The following GPR149 variants were observed in gnomAD, a reference collection of about 807,000 sequenced individuals.
GPR149 encodes G protein-coupled receptor 149.
In GPR149, 50 loss-of-function variants were observed where a neutral mutation model predicts 50.2. The observed-to-expected ratio is 1.00, with a 90% CI of 0.79 to 1.26. The LOEUF (loss-of-function observed/expected upper bound fraction) is 1.26, where lower values mean the gene tolerates loss of function less well. Ranked by LOEUF, GPR149 falls within the 50% of genes most tolerant of loss-of-function variation. The probability of loss-of-function intolerance (pLI) is 0.00; values close to 1 mark genes in which losing one functional copy is unlikely to be tolerated. For synonymous variants in GPR149, 405 were observed against 358.2 expected (o/e 1.13, Z -1.48); for missense variants, 983 against 895.4 (o/e 1.10, Z -1.25).
intron 3 of GPR149, among the ~76,000 whole-genome samples, chr3:154,342,991 T>C (rs1479640273): frequency 6.6e-6 from 1 of 152,212 alleles, no homozygotes; most frequent in Non-Finnish European, 1.5e-5. Flanking sequence ...AGATCTACAT[T>C]TAGAAAATAG....
chr3:154,358,057 G>A (rs892747604), intron 3 of GPR149, among the ~76,000 whole-genome samples: 3 of 151,514 alleles, frequency 2.0e-5, no homozygotes, highest in African/African-American at 4.9e-5. Context: ...ACCAAACACT[G>A]CATGTTCTCA....
chr3:154,354,979 C>A (rs1424254481), intron 3 of GPR149, among the ~76,000 whole-genome samples: 1 of 152,040 alleles, frequency 6.6e-6, no homozygotes, highest in Admixed American at 6.6e-5. Flanking sequence ...GATTTTATGG[C>A]CAAAACGTAA....
chr3:154,424,805 T>A (rs910592914), intron 2 of GPR149, among the ~76,000 whole-genome samples: 1 of 151,734 alleles, frequency 6.6e-6, no homozygotes, highest in Admixed American at 6.6e-5. Context: ...CAATTTTAGA[T>A]GTGAGTAATT....
intron 3 of GPR149, 22 bp from the exon 4 acceptor site, chr3:154,338,293 T>C: frequency 1.3e-6 from 2 of 1,507,892 alleles, no homozygotes; most frequent in Non-Finnish European, 1.8e-6. Flanking sequence ...AACAAAATTG[T>C]TATTGTTGAA....
At chr3:154,391,022 G>C (rs1196356213) in intron 3 of GPR149, among the ~76,000 whole-genome samples, 1 of 152,052 alleles carries the variant, frequency 6.6e-6, no homozygotes, top group Non-Finnish European at 1.5e-5. Flanking sequence ...TAAAATCTGA[G>C]GGAGTTCATC....
chr3:154,348,668 A>T (rs1713990780), intron 3 of GPR149, among the ~76,000 whole-genome samples: 1 of 152,158 alleles, frequency 6.6e-6, no homozygotes, highest in Non-Finnish European at 1.5e-5. Context: ...GGAGACTTCA[A>T]CCCCTCTCTC....
chr3:154,427,312 G>A (rs992037429), intron 2 of GPR149, among the ~76,000 whole-genome samples: 1 of 151,748 alleles, frequency 6.6e-6, no homozygotes, highest in Non-Finnish European at 1.5e-5. Context: ...CACTTCATGG[G>A]GTTTTTCAAA....
intron 3 of GPR149, among the ~76,000 whole-genome samples, chr3:154,414,416 A>G (rs1369370454): frequency 1.3e-5 from 2 of 152,048 alleles, no homozygotes; most frequent in East Asian, 1.9e-4. Flanking sequence ...AAACCAAAAG[A>G]AGAATCGTAG....
At chr3:154,368,539 A>C (rs543829696) in intron 3 of GPR149, among the ~76,000 whole-genome samples, 1 of 152,306 alleles carries the variant, frequency 6.6e-6, no homozygotes, top group East Asian at 1.9e-4. Context: ...CCCCTTCCTT[A>C]GGGCCTCTCA....
At chr3:154,420,887 T>C (rs1349476600) in intron 3 of GPR149, 152 bp downstream of exon 3, 1 of 626,390 alleles carries the variant, frequency 1.6e-6, no homozygotes, top group Non-Finnish European at 2.8e-6. Context: ...AAAAGAGACC[T>C]TGAAATAAAA....
intron 3 of GPR149, among the ~76,000 whole-genome samples, chr3:154,403,270 T>G (rs1711592711): frequency 6.6e-6 from 1 of 152,130 alleles, no homozygotes; most frequent in Non-Finnish European, 1.5e-5. Flanking sequence ...CTATTGAAAT[T>G]AAGAAAGAGT....
rs1713682093 is a variant in GPR149 at position 154,337,514 on chromosome 3, G to T, written c.*185C>A. ...TCATTACCACAGTGTGTGATCTTTA[G>T]GTAACACATCAAATGCACTTAAGTG... On this transcript the variant is annotated 3_prime_UTR_variant, in exon 4 of 4. Coordinates refer to ENST00000389740, the MANE Select transcript of GPR149 (RefSeq NM_001038705.3). Among the ~76,000 whole-genome samples, 1 of 152,114 alleles carries T rather than the reference G, an allele frequency of 6.6e-6. No individual in the cohort carries two copies. Among genetic ancestry groups the T allele is most frequent in the African/African-American group, 2.4e-5 (1 of 41,424 alleles).
intron 3 of GPR149, among the ~76,000 whole-genome samples, chr3:154,404,833 G>C (rs556152321): frequency 1.3e-5 from 2 of 150,752 alleles, no homozygotes; most frequent in South Asian, 4.3e-4. Flanking sequence ...GTGAAACATA[G>C]CAAGTATTCA....
In GPR149 at chr3:154,388,289, C is replaced by CAT. The variant is rs994481257; in HGVS notation, c.1623+32748_1623+32749dup. On this transcript the variant is annotated intron_variant, in intron 3 of 3. Coordinates refer to ENST00000389740, the MANE Select transcript of GPR149 (RefSeq NM_001038705.3). ...AAATTGATGAGTAAACAGCAGTATT[C>CAT]ATATATATATACACATATATATACA... Among the ~76,000 whole-genome samples, 8 of 151,758 alleles carry CAT rather than the reference C, an allele frequency of 5.3e-5. No homozygotes were observed. In the East Asian group the frequency reaches 7.7e-4, roughly 15 times the overall value.
chr3:154,379,634 T>C (rs1460001480), intron 3 of GPR149, among the ~76,000 whole-genome samples: 2 of 152,154 alleles, frequency 1.3e-5, no homozygotes, highest in South Asian at 2.1e-4. Context: ...GGAAAGGGCC[T>C]AAGTTTTTGT....
In GPR149 at chr3:154,388,869, AAAAC is replaced by A. The variant is rs200044765; in HGVS notation, c.1623+32166_1623+32169del. ...TTATGGTAACATTTCACACATATGAAAAACACACACACACACACACACACACACA... is the reference window on the plus strand; with the variant it reads ...TTATGGTAACATTTCACACATATGAAACACACACACACACACACACACACA... On this transcript the variant is annotated intron_variant, in intron 3 of 3. Coordinates refer to ENST00000389740, the MANE Select transcript of GPR149 (RefSeq NM_001038705.3). Among the ~76,000 whole-genome samples the A allele has an allele frequency of 1.9e-3, 227 of 121,382 alleles. 1 individual carries two copies. In the East Asian group the frequency reaches 0.027, roughly 15 times the overall value. 79.6% of individuals were successfully genotyped at this position (121,382 alleles called of 152,430 possible).
intron 3 of GPR149, among the ~76,000 whole-genome samples, chr3:154,402,333 T>C (rs1711566487): frequency 6.6e-6 from 1 of 151,834 alleles, no homozygotes. Context: ...AGGGGATCTT[T>C]TGAGTCCAGG....
chr3:154,384,976 TGG>T (rs1715014599), intron 3 of GPR149, among the ~76,000 whole-genome samples: 1 of 152,232 alleles, frequency 6.6e-6, no homozygotes, highest in Non-Finnish European at 1.5e-5. Flanking sequence ...TTTCTCCAAA[TGG>T]ATATATAAAT....
intron 3 of GPR149, among the ~76,000 whole-genome samples, chr3:154,341,464 A>G (rs1182224672): frequency 6.6e-6 from 1 of 150,720 alleles, no homozygotes; most frequent in Non-Finnish European, 1.5e-5. Context: ...TTAGGTAAAA[A>G]TGTTAAGAAA....
Sources: allele counts gnomAD v4.1 joint callset (sites outside exome capture counted in the v4.1 genomes callset), GRCh38; gene constraint gnomAD v4.1.1; transcripts MANE v1.5; gene names NCBI Gene and HGNC (gene_info 2026-07-23, HGNC 2026-07-21).